The following PTPRM variants were observed in gnomAD, a reference collection of about 807,000 sequenced individuals.
The protein encoded by PTPRM is protein tyrosine phosphatase receptor type M.
A neutral mutation model predicts 186.7 loss-of-function variants in PTPRM; 47 were observed. The observed-to-expected ratio is 0.25, with a 90% CI of 0.20 to 0.32. The LOEUF (loss-of-function observed/expected upper bound fraction) is 0.32, where lower values mean the gene tolerates loss of function less well. Among genes scored for constraint, PTPRM ranks in the 10% least tolerant of loss-of-function variants. PTPRM has a pLI of 1.00. For synonymous variants in PTPRM, 668 were observed against 674.9 expected (o/e 0.99, Z 0.16); for missense variants, 1,494 against 1,865.0 (o/e 0.80, Z 3.66).
intron 7 of PTPRM, among the ~76,000 whole-genome samples, chr18:7,959,895 A>G (rs758457764): frequency 9.9e-5 from 15 of 152,260 alleles, no homozygotes; most frequent in Non-Finnish European, 1.9e-4. Context: ...CAGTTCAGCT[A>G]TAGTTGGGTA....
chr18:8,081,564 T>G (rs1218181553), intron 9 of PTPRM, among the ~76,000 whole-genome samples: 1 of 152,190 alleles, frequency 6.6e-6, no homozygotes, highest in African/African-American at 2.4e-5. Context: ...TGAAACCATA[T>G]GGACATTTGA....
chr18:7,984,786 TAC>T (rs1261157578), intron 7 of PTPRM, among the ~76,000 whole-genome samples: 18 of 136,622 alleles, frequency 1.3e-4, no homozygotes, highest in African/African-American at 4.1e-4. Flanking sequence ...TAAAATTATA[TAC>T]ACACATATAA....
At chr18:8,063,432 G>A (rs901161596) in intron 7 of PTPRM, among the ~76,000 whole-genome samples, 7 of 152,166 alleles carry the variant, frequency 4.6e-5, no homozygotes, top group Non-Finnish European at 8.8e-5. Flanking sequence ...GCTGGGAGCT[G>A]TAGACCGGAG....
intron 2 of PTPRM, among the ~76,000 whole-genome samples, chr18:7,884,573 C>A (rs965999508): frequency 6.6e-6 from 1 of 152,080 alleles, no homozygotes; most frequent in African/African-American, 2.4e-5. Flanking sequence ...CCACCAAAGC[C>A]CTGCCCCTGC....
At chr18:8,282,220 G>GAGGT (rs1292574836) in intron 19 of PTPRM, among the ~76,000 whole-genome samples, 7 of 152,172 alleles carry the variant, frequency 4.6e-5, no homozygotes, top group Non-Finnish European at 1.0e-4. Flanking sequence ...TGACCATGAT[G>GAGGT]AGGTACATCA....
At chr18:7,837,213 T>C (rs1316780402) in intron 2 of PTPRM, among the ~76,000 whole-genome samples, 1 of 152,172 alleles carries the variant, frequency 6.6e-6, no homozygotes, top group Non-Finnish European at 1.5e-5. Flanking sequence ...CTTTTTCTTT[T>C]GTTTCCTCTG....
chr18:7,720,702 G>A lies in PTPRM; in HGVS notation c.74-53447G>A, dbSNP rs191979158. The stretch of plus-strand genomic sequence containing the variant: ...GTGCCTCTCATTTTGACTACTCTAG[G>A]TATCCCATATAAGGAGAATCATACA... On this transcript the variant is annotated intron_variant, in intron 1 of 32. Coordinates refer to ENST00000580170, the MANE Select transcript of PTPRM (RefSeq NM_001105244.2). Among the ~76,000 whole-genome samples the A allele has an allele frequency of 3.9e-5, 6 of 152,144 alleles. No homozygotes were observed. The East Asian group carries it at 1.2e-3, about 29-fold the overall frequency.
intron 2 of PTPRM, among the ~76,000 whole-genome samples, chr18:7,847,904 A>G (rs2145905786): frequency 6.6e-6 from 1 of 152,344 alleles, no homozygotes. Flanking sequence ...GGGAGTGGAC[A>G]CTAAGCACAC....
In PTPRM at chr18:7,568,396, C is replaced by T. The variant is rs1341146692; in HGVS notation, c.73+505C>T. On this transcript the variant is annotated intron_variant, in intron 1 of 32. Transcript: ENST00000580170. This position sits in a 1 kb window ranked among gnomAD's most constrained non-coding sequence, Gnocchi z 5.1. ...GCGGCCGCTCCGGCGGCGGCGATCT[C>T]CCGGTGCCCTGCCCTCCCTGTCGCC... is the stretch of plus-strand genomic sequence containing the variant. Among the ~76,000 whole-genome samples the T allele has an allele frequency of 2.0e-5, 3 of 151,792 alleles. No individual in the cohort carries two copies. The highest frequency in any genetic ancestry group is 4.4e-5 in the Non-Finnish European group (3 of 67,892).
At chr18:7,624,493 C>CT (rs150471102) in intron 1 of PTPRM, among the ~76,000 whole-genome samples, 21 of 147,020 alleles carry the variant, frequency 1.4e-4, no homozygotes, top group South Asian at 6.5e-4. Context: ...TCAGATTCTG[C>CT]TTTTTTTTTT....
intron 7 of PTPRM, among the ~76,000 whole-genome samples, chr18:7,986,682 T>A (rs1168051632): frequency 1.3e-5 from 2 of 152,040 alleles, no homozygotes; most frequent in Admixed American, 1.3e-4. Context: ...AGCAAATGTT[T>A]TAAAAATTGG....
intron 14 of PTPRM, among the ~76,000 whole-genome samples, chr18:8,226,539 A>G (rs1465119729): frequency 1.3e-5 from 2 of 152,238 alleles, no homozygotes; most frequent in Non-Finnish European, 2.9e-5. Context: ...TAAATTAATA[A>G]GAAAATGTAG....
intron 19 of PTPRM, among the ~76,000 whole-genome samples, chr18:8,259,151 G>C (rs1041926670): frequency 6.6e-6 from 1 of 152,072 alleles, no homozygotes; most frequent in Admixed American, 6.5e-5. Flanking sequence ...TTTTCGCCAT[G>C]TTACCCAGGC....
intron 14 of PTPRM, among the ~76,000 whole-genome samples, chr18:8,193,588 C>A (rs1312175640): frequency 1.3e-5 from 2 of 152,230 alleles, no homozygotes; most frequent in Non-Finnish European, 2.9e-5. Flanking sequence ...AGGGGCCTCT[C>A]GCGCAGACTC....
At chr18:8,159,334 A>G (rs1026261748) in intron 14 of PTPRM, among the ~76,000 whole-genome samples, 2 of 152,180 alleles carry the variant, frequency 1.3e-5, no homozygotes, top group Non-Finnish European at 2.9e-5. Context: ...TGTTCTTATC[A>G]TTGTTATATT....
At chr18:7,680,366 C>G (rs1304574161) in intron 1 of PTPRM, among the ~76,000 whole-genome samples, 1 of 152,160 alleles carries the variant, frequency 6.6e-6, no homozygotes, top group East Asian at 1.9e-4. Flanking sequence ...CACTTGCGTA[C>G]AGCAGCGTGC....
intron 1 of PTPRM, among the ~76,000 whole-genome samples, chr18:7,771,613 T>A (rs2042272805): frequency 6.6e-6 from 1 of 152,192 alleles, no homozygotes; most frequent in Non-Finnish European, 1.5e-5. Flanking sequence ...AAGTAATTGT[T>A]AAAAGTGTTA....
At chr18:7,777,625 T>C (rs2145024327) in intron 2 of PTPRM, among the ~76,000 whole-genome samples, 1 of 152,370 alleles carries the variant, frequency 6.6e-6, no homozygotes, top group Non-Finnish European at 1.5e-5. Flanking sequence ...TTGTTTTCTA[T>C]ATTCATATAA....
chr18:8,368,390 T>C (rs1598464118), intron 23 of PTPRM, among the ~76,000 whole-genome samples: 3 of 152,202 alleles, frequency 2.0e-5, no homozygotes, highest in South Asian at 4.2e-4. Context: ...AGCAAAGGTA[T>C]CCATGATGTA....
Sources: gnomAD v4.1 joint callset for allele counts (sites outside exome capture counted in the v4.1 genomes callset) on GRCh38, gnomAD v4.1.1 for gene constraint, Gnocchi (gnomAD v3.1) non-coding constraint, MANE v1.5 for transcripts, NCBI Gene and HGNC (gene_info 2026-07-23, HGNC 2026-07-21) for gene names.